Variants in TRPC4 observed in about 807,000 individuals in gnomAD.
TRPC4 encodes short transient receptor potential channel 4.
Under a neutral mutation model 99.4 loss-of-function variants are expected in TRPC4, and 49 were observed. The ratio of observed to expected loss-of-function variants is 0.49; its 90% CI spans 0.39 to 0.63. The LOEUF is 0.63. Ranked by LOEUF, TRPC4 falls within the 20% of genes least tolerant of loss-of-function variation. TRPC4 has a pLI of 0.00. For missense variants in TRPC4, 898 were observed against 1,152.9 expected (o/e 0.78, Z 3.20); for synonymous variants, 454 against 425.9 (o/e 1.07, Z -0.81).
rs1015177380 is a variant in TRPC4 at position 37,866,751 on chromosome 13, G to T, written c.-28+2844C>A. 2.1e-5 allele frequency among the ~76,000 whole-genome samples: 3 copies of T among 145,998 alleles called. No homozygotes were observed. In the Admixed American group the frequency reaches 2.2e-4, roughly 11 times the overall value. ...GAGAAATAGAAAACATGAGTAGTGA[G>T]ATAGTTCTAAATCAACTCTTCATTA... On this transcript the variant is annotated intron_variant, in intron 1 of 10. Transcript: ENST00000379705.
intron 3 of TRPC4, among the ~76,000 whole-genome samples, chr13:37,704,164 C>G (rs1188227037): frequency 6.6e-6 from 1 of 152,032 alleles, no homozygotes; most frequent in Non-Finnish European, 1.5e-5. Context: ...AAAATAAAAA[C>G]TAATCTAGTG....
chr13:37,846,306 G>A (rs561867981), intron 1 of TRPC4, among the ~76,000 whole-genome samples: 4 of 152,102 alleles, frequency 2.6e-5, no homozygotes, highest in African/African-American at 7.2e-5. Context: ...TTGTAAGGGT[G>A]GTGTGTAAAG....
At chr13:37,784,880 G>A (rs548305447) in intron 1 of TRPC4, among the ~76,000 whole-genome samples, 30 of 151,920 alleles carry the variant, frequency 2.0e-4, no homozygotes, top group Non-Finnish European at 3.4e-4. Context: ...AAGTATCTAG[G>A]TGTTTAAGAG....
chr13:37,846,770 C>G (rs750658075), intron 1 of TRPC4, among the ~76,000 whole-genome samples: 2 of 151,906 alleles, frequency 1.3e-5, no homozygotes, highest in Non-Finnish European at 2.9e-5. Flanking sequence ...CATAGATTGG[C>G]TGAATGGATT....
At position 37,691,983 on chromosome 13, in the gene TRPC4, A is replaced by G. The variant is rs751255401; in HGVS notation, c.1234+16T>C. ...GTAACATGTTTTTATTATATTTTCTATAGTAACACATTTACCCAGGACCCA... is the reference window on the plus strand; with the variant it reads ...GTAACATGTTTTTATTATATTTTCTGTAGTAACACATTTACCCAGGACCCA... On this transcript the variant is annotated intron_variant, in intron 4 of 10. Transcript: ENST00000379705. 1.9e-6 allele frequency: 3 copies of G among 1,591,174 alleles called. No homozygotes were observed. The highest frequency in any genetic ancestry group is 1.7e-6 in the Non-Finnish European group (2 of 1,166,700).
At position 37,774,448 on chromosome 13, in the gene TRPC4, G is replaced by T. The variant is rs190818945; in HGVS notation, c.378+8508C>A. 6.4e-3 allele frequency among the ~76,000 whole-genome samples: 967 copies of T among 151,828 alleles called. 2 individuals carry two copies. The highest frequency in any genetic ancestry group is 0.012 in the Non-Finnish European group (810 of 67,830). ...ACATAAATTGTGATAATGAAAATAA[G>T]AACACTCTTTTTAGGTGCTTGAAGA... On this transcript the variant is annotated intron_variant, in intron 2 of 10. Coordinates refer to ENST00000379705, the MANE Select transcript of TRPC4 (RefSeq NM_016179.4).
intron 8 of TRPC4, among the ~76,000 whole-genome samples, chr13:37,649,871 A>G (rs2138603470): frequency 1.3e-5 from 2 of 152,246 alleles, no homozygotes; most frequent in Admixed American, 1.3e-4. Context: ...TAAAGTTCAT[A>G]AATTAGTATG....
intron 3 of TRPC4, among the ~76,000 whole-genome samples, chr13:37,714,603 C>G (rs1160533907): frequency 6.6e-6 from 1 of 152,186 alleles, no homozygotes; most frequent in Non-Finnish European, 1.5e-5. Context: ...CACGCCCAAT[C>G]TCACCTCTGC....
At chr13:37,821,030 G>A (rs1364702499) in intron 1 of TRPC4, among the ~76,000 whole-genome samples, 1 of 152,046 alleles carries the variant, frequency 6.6e-6, no homozygotes, top group African/African-American at 2.4e-5. Flanking sequence ...TCTATATGTA[G>A]AAAGCCCCAT....
At chr13:37,757,216 G>T (rs572711500) in intron 2 of TRPC4, among the ~76,000 whole-genome samples, 1 of 151,954 alleles carries the variant, frequency 6.6e-6, no homozygotes, top group Admixed American at 6.6e-5. Context: ...ATAGTGATAC[G>T]ATAGGAAAAT....
At chr13:37,656,327 C>G (rs568670640) in intron 6 of TRPC4, among the ~76,000 whole-genome samples, 5 of 152,168 alleles carry the variant, frequency 3.3e-5, no homozygotes, top group Admixed American at 3.3e-4. Flanking sequence ...AAATGAAAAC[C>G]TTCTCATACA....
intron 6 of TRPC4, among the ~76,000 whole-genome samples, chr13:37,659,567 T>C (rs560074109): frequency 6.6e-6 from 1 of 152,312 alleles, no homozygotes; most frequent in Non-Finnish European, 1.5e-5. Flanking sequence ...CTAAAGAATG[T>C]GGCAGTATCC....
Position 37,784,856 on chromosome 13 carries a change from C to T in TRPC4, c.-27-1496G>A, listed in dbSNP as rs540789711. Among the ~76,000 whole-genome samples the T allele has an allele frequency of 2.8e-4, 42 of 152,038 alleles. No homozygotes were observed. In the South Asian group the frequency reaches 8.5e-3, roughly 31 times the overall value. ...TTTACCCTTTGACATCCAGATAATT[C>T]ATCATGATTTCTAAAGTATCTAGGT... On this transcript the variant is annotated intron_variant, in intron 1 of 10. Transcript: ENST00000379705.
intron 1 of TRPC4, among the ~76,000 whole-genome samples, chr13:37,817,137 C>T (rs1440389393): frequency 6.6e-6 from 1 of 152,060 alleles, no homozygotes; most frequent in Non-Finnish European, 1.5e-5. Flanking sequence ...AGTCTCAGCA[C>T]AAAAGCTTCT....
intron 1 of TRPC4, among the ~76,000 whole-genome samples, chr13:37,840,869 T>C (rs891762936): frequency 6.6e-6 from 1 of 152,076 alleles, no homozygotes; most frequent in Non-Finnish European, 1.5e-5. Flanking sequence ...ATATTGTTCA[T>C]TGCAGAGCCA....
At chr13:37,753,575 A>AGAAAG (rs1566145348) in intron 2 of TRPC4, among the ~76,000 whole-genome samples, 1,447 of 137,262 alleles carry the variant, frequency 0.011, 21 homozygotes, top group African/African-American at 0.03. Context: ...GAGAGAGAGA[A>AGAAAG]AGAGAGAGAG....
intron 3 of TRPC4, among the ~76,000 whole-genome samples, chr13:37,714,917 C>G (rs747151751): frequency 6.6e-6 from 1 of 152,206 alleles, no homozygotes; most frequent in Non-Finnish European, 1.5e-5. Context: ...GGCAAGAACT[C>G]TACTTATTCA....
chr13:37,663,825 C>CA, intron 5 of TRPC4, 96 bp from the exon 6 acceptor site: 2 of 1,146,632 alleles, frequency 1.7e-6, no homozygotes, highest in Non-Finnish European at 2.4e-6. Context: ...AAATTTTGAA[C>CA]AAAATAATTG....
At chr13:37,793,389 A>T (rs1443958745) in intron 1 of TRPC4, among the ~76,000 whole-genome samples, 1 of 151,526 alleles carries the variant, frequency 6.6e-6, no homozygotes, top group East Asian at 2.0e-4. Flanking sequence ...GCACCTATTA[A>T]CTCGTCATTT....
Sources: allele counts gnomAD v4.1 joint callset (sites outside exome capture counted in the v4.1 genomes callset), GRCh38; gene constraint gnomAD v4.1.1; transcripts MANE v1.5; gene names NCBI Gene and HGNC (gene_info 2026-07-23, HGNC 2026-07-21).